Variants in CSMD2 observed in about 807,000 individuals in gnomAD.
The protein encoded by CSMD2 is CUB and sushi domain-containing protein 2.
A neutral mutation model predicts 398.5 loss-of-function variants in CSMD2; 130 were observed. That is an observed-to-expected ratio of 0.33 (90% confidence interval 0.28 to 0.38). The LOEUF (loss-of-function observed/expected upper bound fraction) is 0.38, where lower values mean the gene tolerates loss of function less well. Ranked by LOEUF, CSMD2 falls within the 10% of genes least tolerant of loss-of-function variation. The pLI, the probability that CSMD2 is intolerant of heterozygous loss-of-function variation, is 1.00. For synonymous variants in CSMD2, 1,828 were observed against 1,908.5 expected (o/e 0.96, Z 1.10); for missense variants, 3,829 against 4,764.9 (o/e 0.80, Z 5.78).
intron 40 of CSMD2, among the ~76,000 whole-genome samples, chr1:33,612,836 C>A (rs957986516): frequency 3.2e-5 from 4 of 126,584 alleles, no homozygotes; most frequent in Non-Finnish European, 5.0e-5. Flanking sequence ...CACCCGCCAC[C>A]AGGCCCAGCT....
Position 33,523,400 on chromosome 1 carries a change from A to G in CSMD2, c.10416T>C (p.Asp3472=). Reference sequence around the variant, plus strand: ...GGTACACCTGGAGTAGGAGATGAAAATCTTCTTTCTTGTAAGTTCCTGGGA... The same window carrying G: ...GGTACACCTGGAGTAGGAGATGAAAGTCTTCTTTCTTGTAAGTTCCTGGGA... ...LHLAGTYKKE[D]FHLLLQVYQI... is the part of the protein sequence containing the mutation. The change falls in exon 67 of 71, where the codon GAT becomes GAC. Residue 3472 remains aspartate (D), a synonymous_variant. Coordinates refer to ENST00000373381, the MANE Select transcript of CSMD2 (RefSeq NM_001281956.2). The G allele has an allele frequency of 1.3e-6, 2 of 1,539,278 alleles. No individual in the cohort carries two copies. Among genetic ancestry groups the G allele is most frequent in the Non-Finnish European group, 1.8e-6 (2 of 1,118,224 alleles).
chr1:34,004,427 T>C (rs1646996114), intron 3 of CSMD2, among the ~76,000 whole-genome samples: 1 of 151,900 alleles, frequency 6.6e-6, no homozygotes, highest in African/African-American at 2.4e-5. Context: ...GCTAGAGCAT[T>C]TGGAGCCACA....
chr1:34,100,201 G>T (rs566364172), intron 1 of CSMD2, among the ~76,000 whole-genome samples: 58 of 152,074 alleles, frequency 3.8e-4, no homozygotes, highest in African/African-American at 1.4e-3. Context: ...AGGCAATGTG[G>T]ACTTGTAATA....
At chr1:33,598,119 G>A (rs941574393) in intron 44 of CSMD2, among the ~76,000 whole-genome samples, 16 of 151,610 alleles carry the variant, frequency 1.1e-4, no homozygotes, top group Non-Finnish European at 8.9e-5. Context: ...AACTCTCAGG[G>A]TAGGGTAGGG....
chr1:34,164,898 C>T lies in CSMD2; in HGVS notation c.187+13G>A, dbSNP rs1477780334. 4 of 1,218,860 alleles carry T rather than the reference C, an allele frequency of 3.3e-6. No individual in the cohort carries two copies. The highest frequency in any genetic ancestry group is 1.6e-5 in the African/African-American group (1 of 63,610). 75.5% of individuals were successfully genotyped at this position (1,218,860 alleles called of 1,614,324 possible). A position where few individuals can be genotyped will look rare whatever the true frequency, so the allele number is the denominator to read the frequency against. ...CGCGGCGGCCGCTGGCTCCTCGGCG[C>T]GGCTGGACTCACCCGCGGCGGCCGA... is the stretch of plus-strand genomic sequence containing the variant. On this transcript the variant is annotated intron_variant, in intron 1 of 70. Coordinates refer to ENST00000373381, the MANE Select transcript of CSMD2 (RefSeq NM_001281956.2). The surrounding 1 kb of genome is among the most constrained non-coding windows in gnomAD (Gnocchi z 6.2).
In CSMD2 at chr1:33,569,406, C is replaced by T. The variant is rs766844932; in HGVS notation, c.8099G>A (p.Gly2700Glu). 8 of 1,614,032 alleles carry T rather than the reference C, an allele frequency of 5.0e-6. No individual in the cohort carries two copies. Among genetic ancestry groups the T allele is most frequent in the Non-Finnish European group, 6.8e-6 (8 of 1,180,000 alleles). The change falls in exon 52 of 71, where the codon GGG (glycine) becomes GAG (glutamate). Residue 2700 changes from glycine to glutamate, a missense_variant. Coordinates refer to ENST00000373381, the MANE Select transcript of CSMD2 (RefSeq NM_001281956.2). ...GSRVRECMAN[G>E]LWSGSEVRCL... Reference sequence around the variant, plus strand: ...GCGGACTTCAGAGCCACTCCAGAGCCCATTGGCCATGCACTCACGCACCCT... The same window carrying T: ...GCGGACTTCAGAGCCACTCCAGAGCTCATTGGCCATGCACTCACGCACCCT...
intron 3 of CSMD2, among the ~76,000 whole-genome samples, chr1:33,938,902 A>T (rs1186262218): frequency 6.6e-6 from 1 of 151,210 alleles, no homozygotes; most frequent in East Asian, 2.0e-4. Flanking sequence ...CTTACTTGGC[A>T]TTTCCCATGA....
chr1:33,651,098 C>G (rs556083615), intron 28 of CSMD2, among the ~76,000 whole-genome samples: 1 of 152,202 alleles, frequency 6.6e-6, no homozygotes, highest in Non-Finnish European at 1.5e-5. Flanking sequence ...TTGAGTGACA[C>G]GATCACTCTG....
chr1:34,096,611 CCAA>C (rs1228182733), intron 1 of CSMD2, among the ~76,000 whole-genome samples: 1 of 129,914 alleles, frequency 7.7e-6, no homozygotes, highest in Non-Finnish European at 1.6e-5. Flanking sequence ...TTCCTATACA[CCAA>C]CAACAGACAA....
rs1655482745 is a variant in CSMD2, at chr1:33,533,736, C to T, written c.9991+60G>A. 10 of 1,091,960 alleles carry T rather than the reference C, an allele frequency of 9.2e-6. No individual in the cohort carries two copies. Among genetic ancestry groups the T allele is most frequent in the African/African-American group, 1.5e-5 (1 of 64,926 alleles). The allele number at this position is 1,091,960 out of a possible 1,614,324, so 67.6% of individuals were successfully genotyped here. On this transcript the variant is annotated intron_variant, in intron 63 of 70. Coordinates refer to ENST00000373381, the MANE Select transcript of CSMD2 (RefSeq NM_001281956.2). The surrounding 1 kb of genome is among the most constrained non-coding windows in gnomAD (Gnocchi z 4.2). ...GTCATTCAGAGCATTCAAACATGAC[C>T]CAGATGCCCAGCTGGGGCAAGAGGA...
chr1:33,791,522 G>A (rs1193840144), intron 11 of CSMD2, among the ~76,000 whole-genome samples: 1 of 152,018 alleles, frequency 6.6e-6, no homozygotes, highest in African/African-American at 2.4e-5. Context: ...ATCTCACTCT[G>A]TCACCCAGGC....
intron 56 of CSMD2, among the ~76,000 whole-genome samples, chr1:33,546,495 G>T (rs1468540780): frequency 1.2e-4 from 18 of 152,190 alleles, no homozygotes; most frequent in Admixed American, 1.2e-3. Context: ...TGGAATTTCA[G>T]TGATCCAAAC....
chr1:33,876,311 A>G (rs1640835931), intron 5 of CSMD2, among the ~76,000 whole-genome samples: 1 of 152,212 alleles, frequency 6.6e-6, no homozygotes, highest in African/African-American at 2.4e-5. Context: ...ATTTGTAGTC[A>G]GAGATCTCTA....
At chr1:33,826,394 C>T (rs1658825249) in intron 6 of CSMD2, among the ~76,000 whole-genome samples, 1 of 152,192 alleles carries the variant, frequency 6.6e-6, no homozygotes, top group African/African-American at 2.4e-5. Flanking sequence ...GGCATAAAAG[C>T]ACTTGCCAGA....
intron 26 of CSMD2, among the ~76,000 whole-genome samples, chr1:33,658,927 G>A (rs918304166): frequency 3.9e-5 from 6 of 152,208 alleles, no homozygotes; most frequent in Non-Finnish European, 7.3e-5. Context: ...GACTTTGCGA[G>A]TTGGCCTGCC....
intron 65 of CSMD2, 94 bp downstream of exon 65, chr1:33,527,102 G>T: frequency 9.0e-7 from 1 of 1,110,828 alleles, no homozygotes; most frequent in Non-Finnish European, 1.4e-6. Flanking sequence ...CTTCCTCTAG[G>T]CACTCAGCAA....
At chr1:33,860,159 T>C (rs1437177108) in intron 5 of CSMD2, among the ~76,000 whole-genome samples, 1 of 152,178 alleles carries the variant, frequency 6.6e-6, no homozygotes, top group East Asian at 1.9e-4. Flanking sequence ...AGTGGCCCAC[T>C]TTTTGTCTGT....
Position 33,624,319 on chromosome 1 carries a change from T to C in CSMD2, c.5625+200A>G, listed in dbSNP as rs1641957910. On this transcript the variant is annotated intron_variant, in intron 35 of 70. Transcript: ENST00000373381. The surrounding 1 kb of genome is among the most constrained non-coding windows in gnomAD (Gnocchi z 4.7). ...AGCTCTTGGGGCCTGGAACCTGCTG[T>C]GTTTTCTGCATGGGAGCCACATCTC... 6.6e-6 allele frequency among the ~76,000 whole-genome samples: 1 copy of C among 152,156 alleles called. No homozygotes were observed. The highest frequency in any genetic ancestry group is 1.5e-5 in the Non-Finnish European group (1 of 68,010).
At chr1:33,577,855 C>T (rs776052337) in intron 48 of CSMD2, among the ~76,000 whole-genome samples, 3 of 152,068 alleles carry the variant, frequency 2.0e-5, no homozygotes, top group African/African-American at 7.2e-5. Flanking sequence ...GCTGCGACTG[C>T]GGGGGTGTGG....
Sources: gnomAD v4.1 joint callset for allele counts (sites outside exome capture counted in the v4.1 genomes callset) on GRCh38, gnomAD v4.1.1 for gene constraint, Gnocchi (gnomAD v3.1) non-coding constraint, MANE v1.5 for transcripts, NCBI Gene and HGNC (gene_info 2026-07-23, HGNC 2026-07-21) for gene names.